Variants in UGT1A10 observed in about 807,000 individuals in gnomAD.
The protein encoded by UGT1A10 is UDP glucuronosyltransferase family 1 member A10, also known as UDP-glucuronosyltransferase 1A10.
Under a neutral mutation model 45.8 loss-of-function variants are expected in UGT1A10, and 49 were observed. That is an observed-to-expected ratio of 1.07 (90% CI 0.85 to 1.36). The LOEUF (loss-of-function observed/expected upper bound fraction) is 1.36, where lower values mean the gene tolerates loss of function less well. Ranked by LOEUF, UGT1A10 falls within the 40% of genes most tolerant of loss-of-function variation. The pLI is 0.00. For synonymous variants in UGT1A10, 284 were observed against 249.7 expected, an observed-to-expected ratio of 1.14 and a Z score of -1.29; for missense variants, 745 against 668.6, an observed-to-expected ratio of 1.11 and a Z score of -1.26.
chr2:233,732,903 T>A (rs1448905954), intron 1 of UGT1A10, among the ~76,000 whole-genome samples: 1 of 152,162 alleles, frequency 6.6e-6, no homozygotes, highest in Non-Finnish European at 1.5e-5. Flanking sequence ...CCTTGGGCAG[T>A]ATGGCCATTT....
Position 233,768,303 on chromosome 2 carries a change from A to C in UGT1A10, c.1159A>C (p.Met387Leu). The change falls in exon 4 of 5, where the codon ATG (methionine) becomes CTG (leucine). Residue 387 changes from methionine (M) to leucine (L), a missense_variant. Met to Leu is a conservative substitution (Grantham distance 15, BLOSUM62 2). Coordinates refer to ENST00000344644, the MANE Select transcript of UGT1A10 (RefSeq NM_019075.4). ...ESICNGVPMV[M>L]MPLFGDQMDN... ...CATATGCAATGGCGTTCCCATGGTG[A>C]TGATGCCCTTGTTTGGTGATCAGAT... 2 of 1,614,200 alleles carry C rather than the reference A, an allele frequency of 1.2e-6. No individual in the cohort carries two copies. Among genetic ancestry groups the C allele is most frequent in the Non-Finnish European group, 1.7e-6 (2 of 1,180,040 alleles).
chr2:233,674,776 G>A (rs767228184), intron 1 of UGT1A10, among the ~76,000 whole-genome samples: 34 of 152,132 alleles, frequency 2.2e-4, no homozygotes, highest in Non-Finnish European at 4.4e-5. Flanking sequence ...TAAAGCCAGC[G>A]GAGTTCTCAC....
chr2:233,681,820 T>A, intron 1 of UGT1A10: 1 of 1,500,442 alleles, frequency 6.7e-7, no homozygotes, highest in Non-Finnish European at 8.9e-7. Context: ...AATTTTTTTT[T>A]AAATGAATGA....
At chr2:233,657,177 G>A (rs1399801042) in intron 1 of UGT1A10, among the ~76,000 whole-genome samples, 1 of 152,096 alleles carries the variant, frequency 6.6e-6, no homozygotes, top group Non-Finnish European at 1.5e-5. Context: ...AGCTATCAAG[G>A]TCCCCCATCA....
rs369738416 is a variant in UGT1A10 at position 233,718,805 on chromosome 2, G to C, written c.856-48229G>C. Reference sequence around the variant, plus strand: ...AGCGTGGGGTGGACAGTCAGCTGTCGGTGGCTTCTGCTGAGATGGCCAGAG... The same window carrying C: ...AGCGTGGGGTGGACAGTCAGCTGTCCGTGGCTTCTGCTGAGATGGCCAGAG... On this transcript the variant is annotated intron_variant, in intron 1 of 4. Transcript: ENST00000344644. 47 of 1,613,298 alleles carry C rather than the reference G, an allele frequency of 2.9e-5. 1 individual carries two copies. Among genetic ancestry groups the C allele is most frequent in the African/African-American group, 1.3e-4 (10 of 75,040 alleles).
At chr2:233,675,814 C>T (rs2074336714) in intron 1 of UGT1A10, among the ~76,000 whole-genome samples, 1 of 152,092 alleles carries the variant, frequency 6.6e-6, no homozygotes, top group Admixed American at 6.6e-5. Flanking sequence ...AAATTCTTGG[C>T]ATGTCATTCC....
At chr2:233,744,235 A>C (rs943816403) in intron 1 of UGT1A10, among the ~76,000 whole-genome samples, 3 of 151,766 alleles carry the variant, frequency 2.0e-5, no homozygotes, top group African/African-American at 4.9e-5. Flanking sequence ...GAGGGCCTTG[A>C]CTTTGGCTGC....
At position 233,772,339 on chromosome 2, in the gene UGT1A10, G is replaced by A; in HGVS notation, c.1373G>A (p.Trp458Ter). The change falls in exon 5 of 5, where the codon TGG (tryptophan) becomes TAG (stop). Residue 458 changes from tryptophan to a stop codon, truncating the protein, a stop_gained. Transcript: ENST00000344644. LOFTEE classifies it high-confidence loss of function. ...GAGCCGCTGGACCTGGCCGTGTTCT[G>A]GGTGGAGTTTGTGATGAGGCACAAG... ...PVEPLDLAVF[W>*]VEFVMRHKGA... 2 of 1,614,256 alleles carry A rather than the reference G, an allele frequency of 1.2e-6. No homozygotes were observed. The highest frequency in any genetic ancestry group is 1.7e-6 in the Non-Finnish European group (2 of 1,180,038).
chr2:233,667,888 G>T (rs537221460), intron 1 of UGT1A10, among the ~76,000 whole-genome samples: 3 of 152,346 alleles, frequency 2.0e-5, no homozygotes, highest in African/African-American at 7.2e-5. Flanking sequence ...AACAACAGGT[G>T]CTGTAGAGGA....
chr2:233,770,205 T>G (rs1217853012), intron 4 of UGT1A10: 1 of 152,310 alleles, frequency 6.6e-6, no homozygotes, highest in Non-Finnish European at 1.5e-5. Flanking sequence ...TATTCATTTT[T>G]GAGCCATCCC....
chr2:233,747,872 G>C, intron 1 of UGT1A10: 5 of 1,613,496 alleles, frequency 3.1e-6, no homozygotes, highest in Non-Finnish European at 4.2e-6. Context: ...CTCTGGCCCT[G>C]TCCTACCTTT....
At chr2:233,730,691 A>C (rs2078062860) in intron 1 of UGT1A10, among the ~76,000 whole-genome samples, 1 of 152,096 alleles carries the variant, frequency 6.6e-6, no homozygotes, top group Admixed American at 6.5e-5. Flanking sequence ...ATCTCAAATG[A>C]TTCTTCTACT....
intron 1 of UGT1A10, chr2:233,672,732 G>A (rs2074238993): frequency 6.2e-7 from 1 of 1,613,894 alleles, no homozygotes; most frequent in Non-Finnish European, 8.5e-7. Context: ...AACCCGTGAT[G>A]CCCAACATGA....
chr2:233,658,268 C>T (rs925501453), intron 1 of UGT1A10, among the ~76,000 whole-genome samples: 2 of 152,164 alleles, frequency 1.3e-5, no homozygotes, highest in African/African-American at 4.8e-5. Context: ...ACCCACGGAC[C>T]TTGGCCTCCC....
chr2:233,730,805 C>T lies in UGT1A10; in HGVS notation c.856-36229C>T, dbSNP rs1300674674. On this transcript the variant is annotated intron_variant, in intron 1 of 4. Coordinates refer to ENST00000344644, the MANE Select transcript of UGT1A10 (RefSeq NM_019075.4). ...CTGGGGACAGTGATGAATGGACATG[C>T]GTCCAAGAAGGGAAGCATTTCTCAG... Among the ~76,000 whole-genome samples the T allele has an allele frequency of 3.3e-5, 5 of 152,230 alleles. 1 individual carries two copies. The highest frequency in any genetic ancestry group is 2.0e-4 in the Admixed American group (3 of 15,282).
rs531889004 is a variant in UGT1A10 at position 233,731,047 on chromosome 2, T to C, written c.856-35987T>C. Among the ~76,000 whole-genome samples, 5 of 152,366 alleles carry C rather than the reference T, an allele frequency of 3.3e-5. No homozygotes were observed. In the East Asian group the frequency reaches 5.8e-4, roughly 18 times the overall value. On this transcript the variant is annotated intron_variant, in intron 1 of 4. Transcript: ENST00000344644. ...GCCTTTTTATGTCATATTCACCGAA[T>C]GTGTATGAACTTCCATGATTTAGAT...
At chr2:233,653,321 C>G (rs1310624862) in intron 1 of UGT1A10, among the ~76,000 whole-genome samples, 10 of 152,176 alleles carry the variant, frequency 6.6e-5, no homozygotes, top group Admixed American at 3.3e-4. Flanking sequence ...ATACAGGTAT[C>G]TTTGCAAGCG....
chr2:233,641,755 A>G (rs1298502538), intron 1 of UGT1A10, among the ~76,000 whole-genome samples: 1 of 152,152 alleles, frequency 6.6e-6, no homozygotes, highest in East Asian at 1.9e-4. Flanking sequence ...TTCCTGTTTG[A>G]AGGATATTTT....
At chr2:233,686,659 C>T (rs977077863) in intron 1 of UGT1A10, among the ~76,000 whole-genome samples, 7 of 152,126 alleles carry the variant, frequency 4.6e-5, no homozygotes, top group Admixed American at 1.3e-4. Context: ...GATACACTAC[C>T]TCTTTGGCCC....
Sources: allele counts gnomAD v4.1 joint callset (sites outside exome capture counted in the v4.1 genomes callset), GRCh38; gene constraint gnomAD v4.1.1; transcripts MANE v1.5; gene names NCBI Gene and HGNC (gene_info 2026-07-23, HGNC 2026-07-21).